SV2C: variants seen among roughly 807,000 people sequenced by gnomAD.
The protein encoded by SV2C is synaptic vesicle glycoprotein 2C.
SV2C carries 49 observed loss-of-function variants against 79.7 expected under a neutral mutation model. That is an observed-to-expected ratio of 0.61 (90% CI 0.49 to 0.78). SV2C has a LOEUF of 0.78. Ranked by LOEUF, SV2C falls within the 30% of genes least tolerant of loss-of-function variation. The pLI is 0.00. For synonymous variants in SV2C, 334 were observed against 333.2 expected (o/e 1.00, Z -0.03); for missense variants, 833 against 912.9 (o/e 0.91, Z 1.13).
intron 2 of SV2C, among the ~76,000 whole-genome samples, chr5:76,169,036 C>A (rs12188309): frequency 0.098 from 14,919 of 152,220 alleles, 906 homozygotes; most frequent in Non-Finnish European, 0.13. Flanking sequence ...CTGCTGACTT[C>A]TCTGGGTTCC....
chr5:76,349,665 C>T (rs575403225), intron 12 of SV2C, among the ~76,000 whole-genome samples: 1 of 149,294 alleles, frequency 6.7e-6, no homozygotes, highest in Non-Finnish European at 1.5e-5. Context: ...GATTTTTAGC[C>T]TTCATTTTTT....
chr5:75,951,082 C>T, the SV2C span, among the ~76,000 whole-genome samples: 1 of 151,960 alleles, frequency 6.6e-6, no homozygotes, highest in Non-Finnish European at 1.5e-5. Flanking sequence ...AATATTAGAA[C>T]TATCTTGATA....
chr5:76,043,940 C>T, the SV2C span, among the ~76,000 whole-genome samples: 1 of 152,058 alleles, frequency 6.6e-6, no homozygotes, highest in African/African-American at 2.4e-5. Flanking sequence ...GATACATGTG[C>T]AGCATGTGAA....
chr5:76,037,884 A>T, the SV2C span, among the ~76,000 whole-genome samples: 111 of 152,308 alleles, frequency 7.3e-4, no homozygotes, highest in African/African-American at 2.5e-3. Flanking sequence ...CTGTGCTAGC[A>T]ATCAGTGAGA....
intron 4 of SV2C, among the ~76,000 whole-genome samples, chr5:76,255,642 A>G (rs1270633036): frequency 1.3e-5 from 2 of 152,168 alleles, no homozygotes; most frequent in Non-Finnish European, 2.9e-5. Context: ...GTGGGTTGCC[A>G]TCAAGTAACC....
chr5:76,152,401 C>A (rs893984945), intron 2 of SV2C, among the ~76,000 whole-genome samples: 1 of 152,172 alleles, frequency 6.6e-6, no homozygotes, highest in South Asian at 2.1e-4. Context: ...TCTTTGTAGC[C>A]ATTTGGGTCA....
chr5:75,967,986 G>C, the SV2C span, among the ~76,000 whole-genome samples: 3 of 152,166 alleles, frequency 2.0e-5, no homozygotes, highest in African/African-American at 7.2e-5. Flanking sequence ...CCAGAGGAAT[G>C]ATAAGGCAGC....
At chr5:76,199,292 C>G (rs903696728) in intron 3 of SV2C, among the ~76,000 whole-genome samples, 1 of 152,136 alleles carries the variant, frequency 6.6e-6, no homozygotes, top group Non-Finnish European at 1.5e-5. Context: ...AGAAAAACTA[C>G]GTGAAATAAC....
At chr5:76,272,717 G>C (rs1746909826) in intron 4 of SV2C, among the ~76,000 whole-genome samples, 1 of 152,158 alleles carries the variant, frequency 6.6e-6, no homozygotes, top group Non-Finnish European at 1.5e-5. Context: ...CTTAGAATCA[G>C]AGAGAACTTT....
At chr5:76,249,199 G>A (rs999735139) in intron 4 of SV2C, among the ~76,000 whole-genome samples, 4 of 152,150 alleles carry the variant, frequency 2.6e-5, no homozygotes, top group Non-Finnish European at 5.9e-5. Context: ...AGTTCTCCAA[G>A]AGCTGCTTCT....
chr5:76,308,079 G>GACAA (rs1748268450), intron 12 of SV2C, among the ~76,000 whole-genome samples: 1 of 152,086 alleles, frequency 6.6e-6, no homozygotes, highest in East Asian at 1.9e-4. Flanking sequence ...TTATTTGTAT[G>GACAA]ACAAACAGTT....
At chr5:75,939,099 C>G in the SV2C span, among the ~76,000 whole-genome samples, 2 of 152,128 alleles carry the variant, frequency 1.3e-5, no homozygotes, top group Non-Finnish European at 2.9e-5. Context: ...AGACCCTTCA[C>G]CATTATTGCC....
Position 76,313,776 on chromosome 5 carries a change from T to G in SV2C, c.2001-11588T>G, listed in dbSNP as rs549020127. On this transcript the variant is annotated intron_variant, in intron 12 of 12. Transcript: ENST00000502798. ...GAGGCTGCAGGGCTTGGAGGACGCT[T>G]GTATGTTCATTAGGCTAAGGGCAGA... is the stretch of plus-strand genomic sequence containing the variant. 2.6e-5 allele frequency among the ~76,000 whole-genome samples: 4 copies of G among 152,314 alleles called. No homozygotes were observed. In the East Asian group the frequency reaches 7.7e-4, roughly 29 times the overall value.
At chr5:76,297,649 C>A (rs761577813) in intron 9 of SV2C, among the ~76,000 whole-genome samples, 7 of 151,990 alleles carry the variant, frequency 4.6e-5, no homozygotes, top group Non-Finnish European at 1.0e-4. Context: ...GAAACGAGAT[C>A]ATTATTATTA....
intron 2 of SV2C, among the ~76,000 whole-genome samples, chr5:76,140,305 T>C (rs571998964): frequency 6.6e-6 from 1 of 152,332 alleles, no homozygotes; most frequent in Non-Finnish European, 1.5e-5. Context: ...TTCCTTGAAA[T>C]ATACAGAATT....
chr5:76,120,157 A>G lies in SV2C; in HGVS notation c.-101-11493A>G, dbSNP rs564477581. Among the ~76,000 whole-genome samples the G allele has an allele frequency of 2.6e-5, 4 of 152,320 alleles. No individual in the cohort carries two copies. In the East Asian group the frequency reaches 7.7e-4, roughly 29 times the overall value. ...CAATTATAATGTGTCAAAAAATTTT[A>G]AAAAGAATCTACCAGCACACATTTC... On this transcript the variant is annotated intron_variant, in intron 1 of 12. Transcript: ENST00000502798.
At chr5:75,966,075 G>T in the SV2C span, among the ~76,000 whole-genome samples, 1 of 152,198 alleles carries the variant, frequency 6.6e-6, no homozygotes, top group Non-Finnish European at 1.5e-5. Flanking sequence ...CCACAGTCAT[G>T]TATTTTCAAC....
chr5:75,970,837 A>G, the SV2C span, among the ~76,000 whole-genome samples: 66 of 152,276 alleles, frequency 4.3e-4, 1 homozygote, highest in African/African-American at 1.5e-3. Flanking sequence ...GGCCAGCATC[A>G]TCCCGATACC....
chr5:76,242,153 C>T, intron 4 of SV2C: 3 of 1,310,402 alleles, frequency 2.3e-6, no homozygotes, highest in Non-Finnish European at 3.3e-6. Flanking sequence ...CCTTCTCTCC[C>T]TTCTTTGCAG....
Sources: allele counts gnomAD v4.1 joint callset (sites outside exome capture counted in the v4.1 genomes callset), GRCh38; gene constraint gnomAD v4.1.1; transcripts MANE v1.5; gene names NCBI Gene and HGNC (gene_info 2026-07-23, HGNC 2026-07-21).